PSMD11: variants seen among roughly 807,000 people sequenced by gnomAD.
PSMD11 encodes the protein proteasome 26S subunit, non-ATPase 11, also known as 26S proteasome non-ATPase regulatory subunit 11.
In PSMD11, 5 loss-of-function variants were observed where a neutral mutation model predicts 62.3. The observed-to-expected ratio is 0.08, with a 90% CI of 0.04 to 0.17. The LOEUF is 0.17. PSMD11 is among the 10% of genes least tolerant of loss of function. The pLI, the probability that PSMD11 is intolerant of heterozygous loss-of-function variation, is 1.00. For missense variants in PSMD11, 310 were observed against 512.9 expected (o/e 0.60, Z 3.82); for synonymous variants, 191 against 191.8 (o/e 1.00, Z 0.03).
intron 3 of PSMD11, 30 bp from the exon 4 acceptor site, chr17:32,464,019 T>G (rs189017521): frequency 6.3e-7 from 1 of 1,594,504 alleles, no homozygotes; most frequent in East Asian, 2.2e-5. Context: ...GAGGACATAA[T>G]GTTGCATGTA....
intron 12 of PSMD11, 93 bp downstream of exon 12, chr17:32,480,290 C>G: frequency 6.5e-7 from 1 of 1,540,574 alleles, no homozygotes. Context: ...TTTGTTTCCC[C>G]CGATGGTTCA....
chr17:32,479,160 TA>T, intron 9 of PSMD11, 90 bp from the exon 10 acceptor site: 1 of 1,499,244 alleles, frequency 6.7e-7, no homozygotes, highest in African/African-American at 1.4e-5. Flanking sequence ...CATGTAGTTT[TA>T]TAAGGGCCAG....
At chr17:32,466,177 A>C (rs1907988666) in intron 5 of PSMD11, among the ~76,000 whole-genome samples, 1 of 152,038 alleles carries the variant, frequency 6.6e-6, no homozygotes, top group Admixed American at 6.5e-5. Context: ...TGTATCTTTT[A>C]GTAGAGATGG....
intron 1 of PSMD11, among the ~76,000 whole-genome samples, 199 bp from the exon 2 acceptor site, chr17:32,446,746 A>T (rs901408191): frequency 6.6e-6 from 1 of 151,262 alleles, no homozygotes; most frequent in Non-Finnish European, 1.5e-5. Flanking sequence ...TCCTTTTTTT[A>T]TGATTTACAT....
rs766452180 is a variant in PSMD11, at chr17:32,480,131, G to A, written c.1075-15G>A. 5.6e-6 allele frequency: 9 copies of A among 1,612,116 alleles called. No individual in the cohort carries two copies. The Middle Eastern group carries it at 5.0e-4, about 89-fold the overall frequency. On this transcript the variant is annotated splice_polypyrimidine_tract_variant and intron_variant, in intron 11 of 13. Transcript: ENST00000261712. The stretch of plus-strand genomic sequence containing the variant: ...AGTGGATACTGGTCCCTTTAATCAT[G>A]TGCTTTGATTTTAGGCCGACGTGGA...
At position 32,480,601 on chromosome 17, in the gene PSMD11, C is replaced by T. The variant is rs772566962; in HGVS notation, c.1239C>T (p.Ser413=). The change falls in exon 13 of 14, where the codon TCC becomes TCT. Residue 413 remains serine (S), a synonymous_variant. Transcript: ENST00000261712. ...AGAACATGAGCAAAGTAGTGGATTC[C>T]CTCTACAACAAAGCCAAGAAACTGA... is the stretch of plus-strand genomic sequence containing the variant. ...TIQNMSKVVD[S]LYNKAKKLT 8.1e-6 allele frequency: 13 copies of T among 1,614,002 alleles called. No individual in the cohort carries two copies. The East Asian group carries it at 2.9e-4, about 36-fold the overall frequency.
At chr17:32,454,792 C>A (rs1333705110) in intron 3 of PSMD11, 173 bp downstream of exon 3, 2 of 622,286 alleles carry the variant, frequency 3.2e-6, no homozygotes, top group East Asian at 3.3e-5. Context: ...TGGGTCTGTT[C>A]CATGCTTTGC....
chr17:32,461,112 C>T (rs1292053568), intron 3 of PSMD11, among the ~76,000 whole-genome samples: 1 of 151,972 alleles, frequency 6.6e-6, no homozygotes, highest in Non-Finnish European at 1.5e-5. Flanking sequence ...GAGTCTCGCA[C>T]CGTCGCCCGG....
Position 32,479,843 on chromosome 17 carries a change from C to T in PSMD11, c.1039-8C>T. On this transcript the variant is annotated splice_polypyrimidine_tract_variant and splice_region_variant and intron_variant, in intron 10 of 13. Coordinates refer to ENST00000261712, the MANE Select transcript of PSMD11 (RefSeq NM_002815.4). ...TCAGTGTTGGTGTCTCTCTGCCTTT[C>T]CTTTTAGATTGAACACATATCTAGT... is the stretch of plus-strand genomic sequence containing the variant. The T allele has an allele frequency of 1.2e-6, 2 of 1,613,274 alleles. No individual in the cohort carries two copies. The highest frequency in any genetic ancestry group is 1.7e-6 in the Non-Finnish European group (2 of 1,179,270).
Position 32,480,878 on chromosome 17 carries a change from T to C in PSMD11, c.*126T>C. 2.3e-6 allele frequency: 1 copy of C among 425,584 alleles called. No homozygotes were observed. Among genetic ancestry groups the C allele is most frequent in the Non-Finnish European group, 4.1e-6 (1 of 243,192 alleles). The allele number at this position is 425,584 out of a possible 1,614,324, so 26.4% of individuals were successfully genotyped here. A position where few individuals can be genotyped will look rare whatever the true frequency, so the allele number is the denominator to read the frequency against. ...CGCTCGGAAAGTTTTTAAATCCTCA[T>C]TTGGTGCATCTGTATTCCAGCCAAT... On this transcript the variant is annotated 3_prime_UTR_variant, in exon 14 of 14. Transcript: ENST00000261712.
chr17:32,447,045 A>G lies in PSMD11; in HGVS notation c.192A>G (p.Ala64=), dbSNP rs1186564820. The change falls in exon 2 of 14, where the codon GCA becomes GCG. Residue 64 remains alanine (A), a splice_region_variant and synonymous_variant. Coordinates refer to ENST00000261712, the MANE Select transcript of PSMD11 (RefSeq NM_002815.4). ...TCCTGGCAAAGACTGGACAAGCTGC[A>G]GGTAAGTGCTACACATGGATTGTAT... ...GSLLAKTGQA[A]ELGGLLKYVR... 1.1e-5 allele frequency: 18 copies of G among 1,599,448 alleles called. No homozygotes were observed. Among genetic ancestry groups the G allele is most frequent in the East Asian group, 2.2e-5 (1 of 44,460 alleles).
chr17:32,445,394 C>T (rs1002780870), intron 1 of PSMD11: 4 of 152,170 alleles, frequency 2.6e-5, no homozygotes, highest in African/African-American at 9.7e-5. Flanking sequence ...TCAGGGAATT[C>T]TTTGGAACGG....
At chr17:32,451,533 C>A (rs1365278868) in intron 2 of PSMD11, among the ~76,000 whole-genome samples, 1 of 152,092 alleles carries the variant, frequency 6.6e-6, no homozygotes, top group African/African-American at 2.4e-5. Context: ...TCCTGCCTTT[C>A]AAGAGGGTAA....
chr17:32,454,743 T>C (rs1396658739), intron 3 of PSMD11, 124 bp downstream of exon 3: 2 of 1,035,642 alleles, frequency 1.9e-6, no homozygotes, highest in Non-Finnish European at 2.7e-6. Flanking sequence ...GCAGGACTTA[T>C]CATGTCAGTT....
chr17:32,480,701 T>C (rs1021034421), intron 13 of PSMD11, 52 bp from the exon 14 acceptor site: 2 of 1,543,782 alleles, frequency 1.3e-6, no homozygotes, highest in Non-Finnish European at 1.8e-6. Context: ...GAAAACCTCC[T>C]CCTGGTGTCC....
intron 8 of PSMD11, 58 bp downstream of exon 8, chr17:32,474,882 C>T (rs954450281): frequency 1.0e-5 from 15 of 1,487,156 alleles, no homozygotes; most frequent in Non-Finnish European, 1.4e-5. Flanking sequence ...TTTTCAGAGT[C>T]ACAACGTTTG....
At chr17:32,456,555 A>AGTCTC (rs1461201135) in intron 3 of PSMD11, among the ~76,000 whole-genome samples, 1 of 150,258 alleles carries the variant, frequency 6.7e-6, no homozygotes, top group East Asian at 2.0e-4. Context: ...TTTGAGACGG[A>AGTCTC]GTCTCGCTCT....
chr17:32,461,114 G>A (rs1269662557), intron 3 of PSMD11, among the ~76,000 whole-genome samples: 1 of 151,908 alleles, frequency 6.6e-6, no homozygotes, highest in Non-Finnish European at 1.5e-5. Flanking sequence ...GTCTCGCACC[G>A]TCGCCCGGGC....
chr17:32,444,568 A>T lies in PSMD11; in HGVS notation c.45A>T (p.Leu15=), dbSNP rs201788002. The T allele has an allele frequency of 9.3e-6, 15 of 1,611,562 alleles. No homozygotes were observed. In the East Asian group the frequency reaches 3.1e-4, roughly 34 times the overall value. The part of the protein sequence containing the change: ...AVVEFQRAQS[L]LSTDREASID... ...TGGAGTTCCAGAGAGCCCAGTCTCT[A>T]CTCAGCACCGACCGGGAGGCCTCCA... The change falls in exon 1 of 14, where the codon CTA becomes CTT. Residue 15 remains leucine (L), a synonymous_variant. Coordinates refer to ENST00000261712, the MANE Select transcript of PSMD11 (RefSeq NM_002815.4).
Sources: gnomAD v4.1 joint callset for allele counts (sites outside exome capture counted in the v4.1 genomes callset) on GRCh38, gnomAD v4.1.1 for gene constraint, MANE v1.5 for transcripts, NCBI Gene and HGNC (gene_info 2026-07-23, HGNC 2026-07-21) for gene names.